FBXW11: variants seen among roughly 807,000 people sequenced by gnomAD.
FBXW11 encodes the protein F-box and WD repeat domain containing 11, also known as F-box/WD repeat-containing protein 11.
A neutral mutation model predicts 77.6 loss-of-function variants in FBXW11; 19 were observed. That is an observed-to-expected ratio of 0.24 (90% confidence interval 0.17 to 0.36). The LOEUF (loss-of-function observed/expected upper bound fraction) is 0.36. Ranked by LOEUF, FBXW11 falls within the 10% of genes least tolerant of loss-of-function variation. The pLI, the probability that FBXW11 is intolerant of heterozygous loss-of-function variation, is 1.00. For synonymous variants in FBXW11, 235 were observed against 249.4 expected, an observed-to-expected ratio of 0.94 and a Z score of 0.54; for missense variants, 334 against 704.2, an observed-to-expected ratio of 0.47 and a Z score of 5.95.
In FBXW11 at chr5:171,925,799, T is replaced by C. The variant is rs569702833; in HGVS notation, c.148-11394A>G. 1.6e-4 allele frequency among the ~76,000 whole-genome samples: 25 copies of C among 152,314 alleles called. No individual in the cohort carries two copies. The South Asian group carries it at 5.0e-3, about 30-fold the overall frequency. On this transcript the variant is annotated intron_variant, in intron 2 of 13. Coordinates refer to ENST00000517395, the MANE Select transcript of FBXW11 (RefSeq NM_001378974.1). Reference sequence around the variant, plus strand: ...TTACAGTTCCCTTTTCTGATTTACTTTACAAAGTAGATTTTTAAAACATGG... The same window carrying C: ...TTACAGTTCCCTTTTCTGATTTACTCTACAAAGTAGATTTTTAAAACATGG...
chr5:171,955,078 A>C (rs900557599), intron 2 of FBXW11, among the ~76,000 whole-genome samples: 1 of 152,208 alleles, frequency 6.6e-6, no homozygotes, highest in Non-Finnish European at 1.5e-5. Context: ...AATATATGTG[A>C]AGCACCATGT....
chr5:171,986,639 A>C (rs991958564), intron 1 of FBXW11, among the ~76,000 whole-genome samples: 1 of 151,958 alleles, frequency 6.6e-6, no homozygotes, highest in South Asian at 2.1e-4. Context: ...AGATAGGAGA[A>C]TCGCTTGAAC....
At chr5:171,898,613 C>G (rs914779081) in intron 6 of FBXW11, among the ~76,000 whole-genome samples, 6 of 151,972 alleles carry the variant, frequency 3.9e-5, no homozygotes, top group Non-Finnish European at 2.9e-5. Context: ...GAGTAATGTA[C>G]AGAGAAAACT....
intron 6 of FBXW11, among the ~76,000 whole-genome samples, chr5:171,894,688 CTTTTT>C (rs142463470): frequency 7.7e-6 from 1 of 130,210 alleles, no homozygotes; most frequent in African/African-American, 2.8e-5. Flanking sequence ...TAACCCAGGT[CTTTTT>C]TTTTTTTTTT....
chr5:172,001,337 T>C (rs6883236), intron 1 of FBXW11, among the ~76,000 whole-genome samples: 3,523 of 152,304 alleles, frequency 0.023, 131 homozygotes, highest in African/African-American at 0.08. Flanking sequence ...CATAAAAATT[T>C]GGAACTGATT....
chr5:171,953,357 G>A (rs753266486), intron 2 of FBXW11, among the ~76,000 whole-genome samples: 35 of 152,008 alleles, frequency 2.3e-4, no homozygotes, highest in Admixed American at 1.4e-3. Flanking sequence ...AACCCAAAAC[G>A]TTCACATTAT....
intron 1 of FBXW11, among the ~76,000 whole-genome samples, chr5:171,987,695 C>T (rs1037572276): frequency 6.6e-6 from 1 of 152,120 alleles, no homozygotes; most frequent in African/African-American, 2.4e-5. Context: ...TCAGGTAATC[C>T]GCCCACCTCA....
intron 6 of FBXW11, among the ~76,000 whole-genome samples, chr5:171,893,437 A>AAAAAAAAAAAAAAAAAAAAAAAAAC (rs1561656944): frequency 6.8e-6 from 1 of 146,996 alleles, no homozygotes; most frequent in African/African-American, 2.4e-5. Context: ...AAAAAAAAAA[A>AAAAAAAAAAAAAAAAAAAAAAAAAC]AAAAAAAAAA....
intron 2 of FBXW11, among the ~76,000 whole-genome samples, chr5:171,933,641 C>A (rs1024116228): frequency 1.3e-5 from 2 of 152,008 alleles, no homozygotes; most frequent in African/African-American, 4.8e-5. Flanking sequence ...ATTCTAGGAT[C>A]CTGCAAGAAA....
chr5:172,000,643 G>A (rs1352634720), intron 1 of FBXW11, among the ~76,000 whole-genome samples: 1 of 152,122 alleles, frequency 6.6e-6, no homozygotes, highest in Non-Finnish European at 1.5e-5. Context: ...TGTACTTGTG[G>A]GGAAAGTTAG....
intron 2 of FBXW11, among the ~76,000 whole-genome samples, chr5:171,952,856 T>A (rs968731514): frequency 6.6e-6 from 1 of 151,986 alleles, no homozygotes; most frequent in Non-Finnish European, 1.5e-5. Context: ...TATGAGATTT[T>A]TTTTCTTTCG....
In FBXW11 at chr5:171,967,256, A is replaced by G. The variant is rs183078819; in HGVS notation, c.46-9558T>C. Among the ~76,000 whole-genome samples, 90 of 152,356 alleles carry G rather than the reference A, an allele frequency of 5.9e-4. 1 individual carries two copies. The highest frequency in any genetic ancestry group is 9.6e-4 in the Non-Finnish European group (65 of 68,034). ...TTTATCAAGGAGACAAAATAAAGAA[A>G]TGTCCAAAAATATAGCCAAGAAGAT... On this transcript the variant is annotated intron_variant, in intron 1 of 13. Coordinates refer to ENST00000517395, the MANE Select transcript of FBXW11 (RefSeq NM_001378974.1).
intron 2 of FBXW11, among the ~76,000 whole-genome samples, chr5:171,950,650 C>T (rs369310783): frequency 6.6e-6 from 1 of 152,286 alleles, no homozygotes. Flanking sequence ...CTTTGGGAGG[C>T]TGAGGCGGGC....
At chr5:171,985,131 C>T (rs140550733) in intron 1 of FBXW11, among the ~76,000 whole-genome samples, 2 of 152,284 alleles carry the variant, frequency 1.3e-5, no homozygotes, top group Non-Finnish European at 2.9e-5. Context: ...CCATCTGTTA[C>T]TATCTCATCT....
At position 171,981,312 on chromosome 5, in the gene FBXW11, G is replaced by A. The variant is rs574514343; in HGVS notation, c.46-23614C>T. Among the ~76,000 whole-genome samples, 120 of 152,210 alleles carry A rather than the reference G, an allele frequency of 7.9e-4. No homozygotes were observed. In the South Asian group the frequency reaches 0.02, roughly 26 times the overall value. On this transcript the variant is annotated intron_variant, in intron 1 of 13. Transcript: ENST00000517395. Reference sequence around the variant, plus strand: ...TACCTCTTAGTCTGACTATTCAGTTGTATCCCTTATAATGTTCTTTTTAAA... The same window carrying A: ...TACCTCTTAGTCTGACTATTCAGTTATATCCCTTATAATGTTCTTTTTAAA...
intron 1 of FBXW11, chr5:171,996,878 G>A: frequency 7.8e-7 from 1 of 1,278,928 alleles, no homozygotes; most frequent in South Asian, 1.2e-5. Context: ...ACAATACAGG[G>A]TAATTGCTTA....
chr5:171,977,692 T>C lies in FBXW11; in HGVS notation c.46-19994A>G, dbSNP rs899594845. 9 of 441,552 alleles carry C rather than the reference T, an allele frequency of 2.0e-5. No homozygotes were observed. In the Admixed American group the frequency reaches 2.2e-4, roughly 11 times the overall value. 27.4% of individuals were successfully genotyped at this position (441,552 alleles called of 1,614,324 possible). A position where few individuals can be genotyped will look rare whatever the true frequency, so the allele number is the denominator to read the frequency against. On this transcript the variant is annotated intron_variant, in intron 1 of 13. Transcript: ENST00000517395. ...ATGGCAGAAAGCAAGGAGGAGCAGG[T>C]CACATCTTAAGTAGAATGGCAGCAA...
At chr5:171,920,367 T>C (rs1005445008) in intron 2 of FBXW11, among the ~76,000 whole-genome samples, 2 of 150,008 alleles carry the variant, frequency 1.3e-5, no homozygotes, top group Non-Finnish European at 3.0e-5. Flanking sequence ...ATCACAGATA[T>C]GTTCGGTGAA....
intron 1 of FBXW11, among the ~76,000 whole-genome samples, chr5:171,962,326 G>A (rs17074199): frequency 0.068 from 10,368 of 152,174 alleles, 903 homozygotes; most frequent in African/African-American, 0.21. Context: ...GAAGACTTTG[G>A]AGGGTCAAAA....
Sources: gnomAD v4.1 joint callset for allele counts (sites outside exome capture counted in the v4.1 genomes callset) on GRCh38, gnomAD v4.1.1 for gene constraint, MANE v1.5 for transcripts, NCBI Gene and HGNC (gene_info 2026-07-23, HGNC 2026-07-21) for gene names.